DGKI: variants seen among roughly 807,000 people sequenced by gnomAD.
DGKI encodes the protein DAG kinase iota.
A neutral mutation model predicts 147.5 loss-of-function variants in DGKI; 55 were observed. That is an observed-to-expected ratio of 0.37 (90% CI 0.30 to 0.47). DGKI has a LOEUF of 0.47. DGKI is among the 20% of genes least tolerant of loss of function. DGKI has a pLI of 1.00. For missense variants in DGKI, 1,007 were observed against 1,323.8 expected (o/e 0.76, Z 3.71); for synonymous variants, 469 against 477.1 (o/e 0.98, Z 0.22).
At chr7:137,502,839 G>A (rs1315209610) in intron 21 of DGKI, among the ~76,000 whole-genome samples, 2 of 152,084 alleles carry the variant, frequency 1.3e-5, no homozygotes, top group Non-Finnish European at 2.9e-5. Flanking sequence ...TAAGGATGGA[G>A]TTTCTACTAG....
chr7:137,826,853 A>G (rs1206747535), intron 1 of DGKI, among the ~76,000 whole-genome samples: 1 of 152,214 alleles, frequency 6.6e-6, no homozygotes, highest in Non-Finnish European at 1.5e-5. Context: ...TGCTAAAGTA[A>G]TAATGAATGG....
rs896257996 is a variant in DGKI at position 137,387,039 on chromosome 7, G to C, written c.*4181C>G. The C allele has an allele frequency of 2.0e-5, 3 of 151,988 alleles. No individual in the cohort carries two copies. The highest frequency in any genetic ancestry group is 2.0e-4 in the Admixed American group (3 of 15,248). The allele number at this position is 151,988 out of a possible 1,614,324, so 9.4% of individuals were successfully genotyped here. On this transcript the variant is annotated 3_prime_UTR_variant, in exon 33 of 33. Transcript: ENST00000614521. ...TATGCTGTTCTCAGTGATTTCATTAGCTACTCCTTCTGGAAGGAAGACAAG... is the reference window on the plus strand; with the variant it reads ...TATGCTGTTCTCAGTGATTTCATTACCTACTCCTTCTGGAAGGAAGACAAG...
At chr7:137,400,915 G>A (rs184878282) in intron 30 of DGKI, among the ~76,000 whole-genome samples, 34 of 152,350 alleles carry the variant, frequency 2.2e-4, no homozygotes, top group Non-Finnish European at 4.0e-4. Flanking sequence ...GCTGACTACA[G>A]ATGGGAATGG....
At chr7:137,840,570 C>T (rs903942665) in intron 1 of DGKI, among the ~76,000 whole-genome samples, 1 of 152,194 alleles carries the variant, frequency 6.6e-6, no homozygotes, top group African/African-American at 2.4e-5. Flanking sequence ...TGACAAGCTG[C>T]AAATAGCTGG....
chr7:137,628,138 T>C (rs1036431213), intron 6 of DGKI, among the ~76,000 whole-genome samples: 2 of 152,144 alleles, frequency 1.3e-5, no homozygotes, highest in Admixed American at 6.5e-5. Context: ...CTCTACTCAA[T>C]GATATAGGGT....
chr7:137,440,420 T>C (rs1813454292), intron 28 of DGKI, among the ~76,000 whole-genome samples: 1 of 152,224 alleles, frequency 6.6e-6, no homozygotes, highest in African/African-American at 2.4e-5. Flanking sequence ...TGTTTTGTCA[T>C]TAAAAAGAAA....
chr7:137,639,659 G>A (rs761479221), intron 6 of DGKI, among the ~76,000 whole-genome samples: 3 of 152,082 alleles, frequency 2.0e-5, no homozygotes, highest in South Asian at 2.1e-4. Flanking sequence ...ACAAGTGGGC[G>A]GGAACTACTG....
rs201111441 is a variant in DGKI at position 137,392,236 on chromosome 7, GTA to G, written c.3058-902_3058-901del. Among the ~76,000 whole-genome samples the G allele has an allele frequency of 7.4e-3, 1,128 of 151,892 alleles. 5 individuals are homozygous for G. The highest frequency in any genetic ancestry group is 0.013 in the Non-Finnish European group (877 of 67,966). The stretch of plus-strand genomic sequence containing the variant: ...TATACACACATATACACATATATTT[GTA>G]TATATATATTGCTATTTTTTAAATG... On this transcript the variant is annotated intron_variant, in intron 32 of 32. Coordinates refer to ENST00000614521, the MANE Select transcript of DGKI (RefSeq NM_001321708.2).
chr7:137,408,136 A>G, intron 29 of DGKI, 141 bp from the exon 30 acceptor site: 2 of 961,076 alleles, frequency 2.1e-6, no homozygotes, highest in East Asian at 2.6e-5. Flanking sequence ...AAAAAGGTGA[A>G]GTAACATTCC....
At chr7:137,463,789 T>C (rs1814545617) in intron 26 of DGKI, among the ~76,000 whole-genome samples, 178 bp from the exon 27 acceptor site, 1 of 152,238 alleles carries the variant, frequency 6.6e-6, no homozygotes, top group Admixed American at 6.5e-5. Flanking sequence ...AATCATGAAC[T>C]ATTTGTATGA....
chr7:137,472,155 AAAT>A lies in DGKI; in HGVS notation c.2374-2539_2374-2537del, dbSNP rs1814939351. ...CACATATATATGTGTATATACATAT[AAAT>A]ATTATATATACACATATATATGTAT... On this transcript the variant is annotated intron_variant, in intron 23 of 32. Transcript: ENST00000614521. Among the ~76,000 whole-genome samples, 12 of 122,060 alleles carry A rather than the reference AAAT, an allele frequency of 9.8e-5. No individual in the cohort carries two copies. The South Asian group carries it at 2.6e-3, about 27-fold the overall frequency. 80.1% of individuals were successfully genotyped at this position (122,060 alleles called of 152,430 possible). A position where few individuals can be genotyped will look rare whatever the true frequency, so the allele number is the denominator to read the frequency against.
intron 30 of DGKI, among the ~76,000 whole-genome samples, chr7:137,401,967 G>A (rs1286846972): frequency 6.6e-6 from 1 of 152,168 alleles, no homozygotes; most frequent in African/African-American, 2.4e-5. Flanking sequence ...TTCCCTTGCT[G>A]GTATTAGGAA....
chr7:137,594,501 T>C (rs1819721690), intron 12 of DGKI, among the ~76,000 whole-genome samples: 1 of 152,238 alleles, frequency 6.6e-6, no homozygotes, highest in African/African-American at 2.4e-5. Flanking sequence ...TATGGGGTAA[T>C]ATAGCCTCAT....
intron 1 of DGKI, among the ~76,000 whole-genome samples, chr7:137,783,565 T>G (rs1178285119): frequency 6.6e-6 from 1 of 152,232 alleles, no homozygotes; most frequent in Admixed American, 6.5e-5. Flanking sequence ...GAGGGAATAA[T>G]GGAGGAAAAC....
chr7:137,695,569 G>A (rs750088545), intron 1 of DGKI, among the ~76,000 whole-genome samples: 11 of 152,064 alleles, frequency 7.2e-5, no homozygotes, highest in Admixed American at 1.3e-4. Flanking sequence ...TGGAGAACAC[G>A]TAAGCTCCAT....
At chr7:137,690,525 G>C (rs1823568203) in intron 1 of DGKI, among the ~76,000 whole-genome samples, 1 of 152,192 alleles carries the variant, frequency 6.6e-6, no homozygotes, top group African/African-American at 2.4e-5. Flanking sequence ...TACCCCTGCA[G>C]AGGACTACAT....
intron 20 of DGKI, among the ~76,000 whole-genome samples, chr7:137,539,195 G>C (rs1817611154): frequency 6.6e-6 from 1 of 152,204 alleles, no homozygotes; most frequent in South Asian, 2.1e-4. Flanking sequence ...CGCCAAGAGA[G>C]TGGCAGAAAC....
chr7:137,691,793 T>C (rs1464309645), intron 1 of DGKI, among the ~76,000 whole-genome samples: 1 of 138,208 alleles, frequency 7.2e-6, no homozygotes. Context: ...TGTCTAGACC[T>C]TTGGGTTTTT....
intron 18 of DGKI, among the ~76,000 whole-genome samples, chr7:137,572,234 A>G (rs1187571212): frequency 6.6e-6 from 1 of 152,188 alleles, no homozygotes; most frequent in African/African-American, 2.4e-5. Context: ...GTTTATTTTG[A>G]GTCTAGTTAT....
Sources: allele counts gnomAD v4.1 joint callset (sites outside exome capture counted in the v4.1 genomes callset), GRCh38; gene constraint gnomAD v4.1.1; transcripts MANE v1.5; gene names NCBI Gene and HGNC (gene_info 2026-07-23, HGNC 2026-07-21).